The following CTNNA2 variants were observed in gnomAD, a reference collection of about 807,000 sequenced individuals.
CTNNA2 encodes catenin alpha-2.
Under a neutral mutation model 101.0 loss-of-function variants are expected in CTNNA2, and 42 were observed. That is an observed-to-expected ratio of 0.42 (90% confidence interval 0.32 to 0.54). The LOEUF (loss-of-function observed/expected upper bound fraction) is 0.54. Among genes scored for constraint, CTNNA2 ranks in the 20% least tolerant of loss-of-function variants. The pLI, the probability that CTNNA2 is intolerant of heterozygous loss-of-function variation, is 0.14. For missense variants in CTNNA2, 871 were observed against 1,223.1 expected, an observed-to-expected ratio of 0.71 and a Z score of 4.29; for synonymous variants, 450 against 456.4, an observed-to-expected ratio of 0.99 and a Z score of 0.18.
At chr2:79,394,447 A>G (rs1332378017) in intron 4 of CTNNA2, among the ~76,000 whole-genome samples, 1 of 152,222 alleles carries the variant, frequency 6.6e-6, no homozygotes, top group Admixed American at 6.5e-5. Flanking sequence ...TGGATGGTAA[A>G]TACGTAACAG....
At chr2:79,749,424 T>G (rs1428730998) in intron 3 of CTNNA2, among the ~76,000 whole-genome samples, 1 of 152,214 alleles carries the variant, frequency 6.6e-6, no homozygotes, top group East Asian at 1.9e-4. Context: ...TTTTAGACTT[T>G]GGGAAAGATA....
intron 3 of CTNNA2, among the ~76,000 whole-genome samples, chr2:79,752,356 T>C (rs1445505711): frequency 1.3e-5 from 2 of 152,164 alleles, no homozygotes; most frequent in African/African-American, 4.8e-5. Flanking sequence ...TAGAATGTTG[T>C]TGTAGTCATA....
Position 80,539,383 on chromosome 2 carries a change from A to G in CTNNA2, c.1291-5599A>G, listed in dbSNP as rs574401597. On this transcript the variant is annotated intron_variant, in intron 9 of 18. Transcript: ENST00000402739. ...ATGATATTGTTAATGTTAAGTATTCATGTACTTACAAAGTGTGCCCAGAAG... is the reference window on the plus strand; with the variant it reads ...ATGATATTGTTAATGTTAAGTATTCGTGTACTTACAAAGTGTGCCCAGAAG... Among the ~76,000 whole-genome samples the G allele has an allele frequency of 3.5e-5, 5 of 143,158 alleles. No homozygotes were observed. The Admixed American group carries it at 3.5e-4, about 10-fold the overall frequency. The allele number at this position is 143,158 out of a possible 152,430, so 93.9% of individuals were successfully genotyped here.
At chr2:79,747,715 G>A (rs114460942) in intron 3 of CTNNA2, among the ~76,000 whole-genome samples, 1 of 152,200 alleles carries the variant, frequency 6.6e-6, no homozygotes, top group African/African-American at 2.4e-5. Context: ...TATCCTAGGA[G>A]TATTGGAGTA....
At chr2:80,447,240 A>AT (rs1436739233) in intron 9 of CTNNA2, among the ~76,000 whole-genome samples, 4 of 152,074 alleles carry the variant, frequency 2.6e-5, no homozygotes, top group Admixed American at 6.6e-5. Context: ...GCTGTAGTAC[A>AT]TTTTTTTCCA....
intron 8 of CTNNA2, among the ~76,000 whole-genome samples, chr2:80,408,988 AC>A (rs1220359652): frequency 6.6e-6 from 1 of 152,160 alleles, no homozygotes; most frequent in African/African-American, 2.4e-5. Context: ...GTCAAATGAA[AC>A]AATGTCTAGG....
chr2:79,540,948 G>A (rs998417343), intron 1 of CTNNA2, among the ~76,000 whole-genome samples: 4 of 152,000 alleles, frequency 2.6e-5, no homozygotes, highest in Non-Finnish European at 5.9e-5. Flanking sequence ...AATAGCTATC[G>A]GATTGGTGTG....
intron 2 of CTNNA2, among the ~76,000 whole-genome samples, chr2:79,729,219 C>T (rs985193580): frequency 2.7e-4 from 41 of 152,168 alleles, no homozygotes; most frequent in African/African-American, 7.7e-4. Context: ...ACCTCATGTC[C>T]GGCACCCTTT....
intron 9 of CTNNA2, among the ~76,000 whole-genome samples, chr2:80,462,997 A>T (rs1684568466): frequency 6.6e-6 from 1 of 152,130 alleles, no homozygotes; most frequent in South Asian, 2.1e-4. Flanking sequence ...TGATTATTCC[A>T]GATTCTATGG....
chr2:79,943,404 A>T (rs1688292052), intron 7 of CTNNA2, among the ~76,000 whole-genome samples: 1 of 152,188 alleles, frequency 6.6e-6, no homozygotes. Flanking sequence ...ATCATGTAGA[A>T]AAAAAAGAAG....
chr2:79,924,113 C>A (rs899835254), intron 7 of CTNNA2, among the ~76,000 whole-genome samples: 9 of 152,004 alleles, frequency 5.9e-5, no homozygotes, highest in Admixed American at 4.6e-4. Flanking sequence ...TGTATACATA[C>A]AATGGAATAC....
intron 1 of CTNNA2, among the ~76,000 whole-genome samples, chr2:79,631,434 G>A (rs768875859): frequency 6.6e-5 from 10 of 152,112 alleles, no homozygotes; most frequent in African/African-American, 1.4e-4. Context: ...ACCACTACGC[G>A]TCTCCCAGAT....
At chr2:79,779,905 G>A (rs1359979484) in intron 3 of CTNNA2, among the ~76,000 whole-genome samples, 1 of 152,112 alleles carries the variant, frequency 6.6e-6, no homozygotes, top group African/African-American at 2.4e-5. Flanking sequence ...TGGGAGGTGG[G>A]AGCCAGACAT....
At chr2:79,648,406 C>A (rs1680979548) in intron 1 of CTNNA2, among the ~76,000 whole-genome samples, 2 of 152,150 alleles carry the variant, frequency 1.3e-5, no homozygotes, top group Non-Finnish European at 2.9e-5. Flanking sequence ...TATCCTGGAA[C>A]AGAATCTTTT....
At chr2:79,254,406 T>C (rs904508340) in intron 2 of CTNNA2, among the ~76,000 whole-genome samples, 46 of 152,010 alleles carry the variant, frequency 3.0e-4, no homozygotes, top group African/African-American at 9.7e-4. Context: ...CCTGGTACTG[T>C]GTAGTCAGTT....
At chr2:79,650,601 A>G (rs1573573448) in intron 1 of CTNNA2, among the ~76,000 whole-genome samples, 2 of 142,774 alleles carry the variant, frequency 1.4e-5, no homozygotes, top group Admixed American at 1.4e-4. Flanking sequence ...CACCTCTCCC[A>G]TAGTCCTCTC....
chr2:80,485,987 T>C (rs185792148), intron 9 of CTNNA2, among the ~76,000 whole-genome samples: 54 of 152,322 alleles, frequency 3.5e-4, no homozygotes, highest in African/African-American at 1.3e-3. Flanking sequence ...ACATTATTCA[T>C]GTTGAATTTG....
chr2:79,478,020 G>C (rs915782922), intron 4 of CTNNA2, among the ~76,000 whole-genome samples: 3 of 152,192 alleles, frequency 2.0e-5, no homozygotes, highest in African/African-American at 7.2e-5. Context: ...AAAATTCCCA[G>C]TCCCACATAT....
intron 1 of CTNNA2, among the ~76,000 whole-genome samples, chr2:79,553,241 G>T (rs1284013636): frequency 6.6e-6 from 1 of 152,066 alleles, no homozygotes; most frequent in Non-Finnish European, 1.5e-5. Flanking sequence ...GACCTCATCA[G>T]CTTGGCCATC....
Sources: gnomAD v4.1 joint callset for allele counts (sites outside exome capture counted in the v4.1 genomes callset) on GRCh38, gnomAD v4.1.1 for gene constraint, MANE v1.5 for transcripts, NCBI Gene and HGNC (gene_info 2026-07-23, HGNC 2026-07-21) for gene names.